GXYLT1: variants seen among roughly 807,000 people sequenced by gnomAD.
GXYLT1 encodes glucoside xylosyltransferase 1, also known as glycosyltransferase 8 domain containing 3.
A neutral mutation model predicts 54.0 loss-of-function variants in GXYLT1; 29 were observed. The ratio of observed to expected loss-of-function variants is 0.54; its 90% CI spans 0.40 to 0.73. The LOEUF is 0.73. GXYLT1 is among the 30% of genes least tolerant of loss of function. GXYLT1 has a pLI of 0.00. For missense variants in GXYLT1, 490 were observed against 553.4 expected (o/e 0.89, Z 1.15); for synonymous variants, 176 against 204.1 (o/e 0.86, Z 1.17).
At chr12:42,118,944 A>G in intron 3 of GXYLT1, 56 bp downstream of exon 3, 1 of 1,237,478 alleles carries the variant, frequency 8.1e-7, no homozygotes, top group South Asian at 1.4e-5. Flanking sequence ...ACATTCTATT[A>G]TAGTATATTA....
intron 1 of GXYLT1, among the ~76,000 whole-genome samples, chr12:42,134,592 G>A (rs528395090): frequency 2.0e-5 from 3 of 152,214 alleles, no homozygotes; most frequent in Admixed American, 2.0e-4. Flanking sequence ...CTAAGTATAA[G>A]CTCCCTGCTT....
chr12:42,087,981 T>A (rs1228821735), intron 7 of GXYLT1, 34 bp from the exon 8 acceptor site: 2 of 1,208,296 alleles, frequency 1.7e-6, no homozygotes, highest in Non-Finnish European at 1.2e-6. Context: ...ATAAAAAATT[T>A]AAAAGGCAAA....
At chr12:42,123,762 CAATTA>C (rs1479227701) in intron 2 of GXYLT1, among the ~76,000 whole-genome samples, 2 of 151,690 alleles carry the variant, frequency 1.3e-5, no homozygotes, top group African/African-American at 4.8e-5. Context: ...TCAAATTAAA[CAATTA>C]AATTTCAAAT....
chr12:42,098,785 A>AT lies in GXYLT1; in HGVS notation c.865-753_865-752insA, dbSNP rs1555139374. On this transcript the variant is annotated intron_variant, in intron 5 of 7. Transcript: ENST00000398675. Reference sequence around the variant, plus strand: ...CATATATATATATATATATATATATAATACATGTGTGTGTATATATACATG... The same window carrying AT: ...CATATATATATATATATATATATATATATACATGTGTGTGTATATATACATG... Among the ~76,000 whole-genome samples, 163 of 127,802 alleles carry AT rather than the reference A, an allele frequency of 1.3e-3. 3 individuals carry two copies. Among genetic ancestry groups the AT allele is most frequent in the Non-Finnish European group, 1.9e-3 (113 of 60,456 alleles). 83.8% of individuals were successfully genotyped at this position (127,802 alleles called of 152,430 possible).
chr12:42,114,525 T>C (rs1831896283), intron 3 of GXYLT1, among the ~76,000 whole-genome samples: 1 of 151,866 alleles, frequency 6.6e-6, no homozygotes, highest in Admixed American at 6.6e-5. Context: ...AACTAGAAAA[T>C]CTAGAAGAAA....
chr12:42,094,793 AACAT>A (rs1430270864), intron 7 of GXYLT1, among the ~76,000 whole-genome samples: 1 of 152,210 alleles, frequency 6.6e-6, no homozygotes. Flanking sequence ...TAATATTCCT[AACAT>A]ACAAAGAACT....
At chr12:42,136,837 G>A (rs824733) in intron 1 of GXYLT1, among the ~76,000 whole-genome samples, 3,689 of 151,882 alleles carry the variant, frequency 0.024, 156 homozygotes, top group African/African-American at 0.084. Flanking sequence ...TCAGTGGTGC[G>A]AACACGGTTC....
chr12:42,095,012 C>A (rs1042231186), intron 7 of GXYLT1, among the ~76,000 whole-genome samples: 4 of 150,148 alleles, frequency 2.7e-5, no homozygotes, highest in African/African-American at 9.8e-5. Flanking sequence ...AAAATTCACC[C>A]CCAAAAAGAT....
chr12:42,098,714 A>G (rs1048456282), intron 5 of GXYLT1, among the ~76,000 whole-genome samples: 2 of 143,992 alleles, frequency 1.4e-5, no homozygotes, highest in African/African-American at 5.1e-5. Context: ...AACATAGTGT[A>G]TCTTTCTACT....
In GXYLT1 at chr12:42,133,454, T is replaced by G. The variant is rs550583522; in HGVS notation, c.222-3603A>C. 2.0e-5 allele frequency among the ~76,000 whole-genome samples: 3 copies of G among 152,280 alleles called. No individual in the cohort carries two copies. The South Asian group carries it at 6.2e-4, about 32-fold the overall frequency. ...TTGGAACACTCTTTGAACCTGATCT[T>G]CACGTTGTAAGAAGCCCAAGGCACA... On this transcript the variant is annotated intron_variant, in intron 1 of 7. Coordinates refer to ENST00000398675, the MANE Select transcript of GXYLT1 (RefSeq NM_173601.2).
At chr12:42,105,796 A>C in intron 5 of GXYLT1, 22 bp downstream of exon 5, 1 of 1,574,444 alleles carries the variant, frequency 6.4e-7, no homozygotes, top group Non-Finnish European at 8.6e-7. Context: ...AATGTTAACA[A>C]CTACCTGTAT....
intron 2 of GXYLT1, among the ~76,000 whole-genome samples, chr12:42,126,540 T>A (rs1403714279): frequency 6.6e-6 from 1 of 152,206 alleles, no homozygotes; most frequent in Non-Finnish European, 1.5e-5. Context: ...TGTGTTGCCA[T>A]TGACATGAGA....
intron 4 of GXYLT1, 42 bp downstream of exon 4, chr12:42,109,524 A>T (rs1053380487): frequency 1.1e-3 from 164 of 149,792 alleles, no homozygotes; most frequent in Non-Finnish European, 2.0e-3. Flanking sequence ...GTTCAAATTT[A>T]AAAAAAAAAA....
intron 5 of GXYLT1, among the ~76,000 whole-genome samples, chr12:42,101,287 TGGCTACAAA>T (rs1565567975): frequency 1.3e-5 from 2 of 152,052 alleles, no homozygotes; most frequent in East Asian, 3.9e-4. Flanking sequence ...GAAACAGAAA[TGGCTACAAA>T]TTATAAGAAA....
intron 7 of GXYLT1, among the ~76,000 whole-genome samples, chr12:42,091,965 GGC>G (rs2136873759): frequency 6.6e-6 from 1 of 152,150 alleles, no homozygotes; most frequent in African/African-American, 2.4e-5. Flanking sequence ...CTTTTTCTCA[GGC>G]AGTTGTCAGC....
chr12:42,136,225 A>G (rs1272544451), intron 1 of GXYLT1, among the ~76,000 whole-genome samples: 3 of 152,216 alleles, frequency 2.0e-5, no homozygotes, highest in Non-Finnish European at 4.4e-5. Flanking sequence ...AGCAAAAGCA[A>G]CTCATCTGAA....
chr12:42,111,832 T>C (rs1437177202), intron 3 of GXYLT1, among the ~76,000 whole-genome samples: 1 of 152,148 alleles, frequency 6.6e-6, no homozygotes, highest in Admixed American at 6.5e-5. Context: ...ACGGGCAGAC[T>C]GCCTCCTCAA....
At chr12:42,116,175 C>A (rs1007850722) in intron 3 of GXYLT1, among the ~76,000 whole-genome samples, 2 of 151,766 alleles carry the variant, frequency 1.3e-5, no homozygotes, top group Admixed American at 6.6e-5. Flanking sequence ...ACCATAAAAA[C>A]CCTAGAAGAA....
At chr12:42,143,482 A>G (rs1044927338) in intron 1 of GXYLT1, among the ~76,000 whole-genome samples, 1 of 152,140 alleles carries the variant, frequency 6.6e-6, no homozygotes, top group African/African-American at 2.4e-5. Flanking sequence ...AATGATGTTA[A>G]ACAACAGCCC....
Sources: gnomAD v4.1 joint callset for allele counts (sites outside exome capture counted in the v4.1 genomes callset) on GRCh38, gnomAD v4.1.1 for gene constraint, MANE v1.5 for transcripts, NCBI Gene and HGNC (gene_info 2026-07-23, HGNC 2026-07-21) for gene names.